CHST8: variants seen among roughly 807,000 people sequenced by gnomAD.
The protein encoded by CHST8 is carbohydrate sulfotransferase 8.
A neutral mutation model predicts 15.0 loss-of-function variants in CHST8; 10 were observed. That is an observed-to-expected ratio of 0.67 (90% CI 0.41 to 1.13). CHST8 has a LOEUF of 1.13. CHST8 is among the 50% of genes most tolerant of loss of function. CHST8 has a pLI of 0.00. For synonymous variants in CHST8, 259 were observed against 256.6 expected (o/e 1.01, Z -0.09); for missense variants, 634 against 608.2 (o/e 1.04, Z -0.45).
At chr19:33,744,772 G>A (rs780555028) in intron 3 of CHST8, among the ~76,000 whole-genome samples, 1 of 151,844 alleles carries the variant, frequency 6.6e-6, no homozygotes, top group Non-Finnish European at 1.5e-5. Context: ...ATTTTGAGAC[G>A]GAGTCTTGCT....
At chr19:33,747,560 T>TACACAC (rs561293804) in intron 3 of CHST8, among the ~76,000 whole-genome samples, 2 of 151,006 alleles carry the variant, frequency 1.3e-5, no homozygotes, top group Non-Finnish European at 3.0e-5. Flanking sequence ...CACACACACA[T>TACACAC]ACACACACAC....
At chr19:33,697,880 C>T (rs373536159) in intron 3 of CHST8, among the ~76,000 whole-genome samples, 3 of 152,194 alleles carry the variant, frequency 2.0e-5, no homozygotes, top group South Asian at 2.1e-4. Flanking sequence ...AAGACACAGC[C>T]GGCCCTGGGC....
chr19:33,750,973 T>G (rs1354327791), intron 3 of CHST8, among the ~76,000 whole-genome samples: 1 of 151,962 alleles, frequency 6.6e-6, no homozygotes, highest in Non-Finnish European at 1.5e-5. Context: ...GAGCTCAGAT[T>G]ATCATCAAGG....
chr19:33,704,363 A>T (rs1973402766), intron 3 of CHST8, among the ~76,000 whole-genome samples: 1 of 151,886 alleles, frequency 6.6e-6, no homozygotes, highest in Admixed American at 6.6e-5. Context: ...TCTGCATTGG[A>T]GGGAGGGGAA....
At chr19:33,758,957 G>A (rs1974662118) in intron 3 of CHST8, among the ~76,000 whole-genome samples, 1 of 151,870 alleles carries the variant, frequency 6.6e-6, no homozygotes, top group African/African-American at 2.4e-5. Flanking sequence ...TTTTACTCAT[G>A]GCAGCGGGCA....
In CHST8 at chr19:33,663,187, G is replaced by A. The variant is rs113385688; in HGVS notation, c.-163-4580G>A. ...CCTGGACAAAGGATCCTTCTTCCTG[G>A]GAAGAACAGCTGGTTATGGATGCTT... On this transcript the variant is annotated intron_variant, in intron 1 of 4. Transcript: ENST00000650847. Among the ~76,000 whole-genome samples, 11 of 152,234 alleles carry A rather than the reference G, an allele frequency of 7.2e-5. 1 individual carries two copies. The highest frequency in any genetic ancestry group is 2.6e-4 in the African/African-American group (11 of 41,544).
At chr19:33,668,066 G>A (rs1367018652) in intron 2 of CHST8, among the ~76,000 whole-genome samples, 1 of 152,106 alleles carries the variant, frequency 6.6e-6, no homozygotes, top group Non-Finnish European at 1.5e-5. Flanking sequence ...GCCTAACCCC[G>A]AGTGAATGCG....
chr19:33,700,668 A>G (rs952680576), intron 3 of CHST8, among the ~76,000 whole-genome samples: 15 of 152,110 alleles, frequency 9.9e-5, no homozygotes, highest in Admixed American at 9.8e-4. Context: ...AAACTCCAGA[A>G]TGTCTTCGTG....
intron 1 of CHST8, among the ~76,000 whole-genome samples, chr19:33,632,931 G>A (rs1436293034): frequency 6.6e-6 from 1 of 151,708 alleles, no homozygotes; most frequent in Non-Finnish European, 1.5e-5. Context: ...ACCACACCTG[G>A]CTAATTTTTG....
At chr19:33,645,519 T>G (rs1972342120) in intron 1 of CHST8, among the ~76,000 whole-genome samples, 1 of 152,052 alleles carries the variant, frequency 6.6e-6, no homozygotes, top group South Asian at 2.1e-4. Context: ...CCTGATGGGT[T>G]AGATGGGGTG....
chr19:33,764,895 C>T (rs1314852776), intron 3 of CHST8, among the ~76,000 whole-genome samples: 7 of 151,894 alleles, frequency 4.6e-5, no homozygotes, highest in African/African-American at 1.5e-4. Context: ...CTTATGCCTT[C>T]GCATCCTCAT....
intron 3 of CHST8, among the ~76,000 whole-genome samples, chr19:33,762,139 C>A (rs1173755642): frequency 6.6e-6 from 1 of 152,176 alleles, no homozygotes; most frequent in Non-Finnish European, 1.5e-5. Flanking sequence ...GTGGGTGGCG[C>A]GGGTGTGCTG....
intron 2 of CHST8, among the ~76,000 whole-genome samples, chr19:33,682,791 C>T (rs1299205565): frequency 6.6e-6 from 1 of 152,150 alleles, no homozygotes; most frequent in East Asian, 1.9e-4. Flanking sequence ...CCTAGCATCA[C>T]AATATATTTT....
At chr19:33,724,228 C>T (rs1032296640) in intron 3 of CHST8, among the ~76,000 whole-genome samples, 9 of 152,286 alleles carry the variant, frequency 5.9e-5, no homozygotes, top group South Asian at 4.1e-4. Context: ...CACACCCAGG[C>T]CCAGCCCCCT....
chr19:33,633,919 C>T (rs1972158008), intron 1 of CHST8, among the ~76,000 whole-genome samples: 1 of 151,916 alleles, frequency 6.6e-6, no homozygotes, highest in African/African-American at 2.4e-5. Flanking sequence ...CTGCTTCAGC[C>T]TCCCAAGTAA....
intron 1 of CHST8, among the ~76,000 whole-genome samples, chr19:33,653,615 A>G (rs1200377514): frequency 1.3e-5 from 2 of 152,216 alleles, no homozygotes; most frequent in Non-Finnish European, 2.9e-5. Flanking sequence ...ACAGTAAAGC[A>G]CGGTGGTTAA....
chr19:33,681,045 C>G (rs1193727190), intron 2 of CHST8, among the ~76,000 whole-genome samples: 1 of 152,146 alleles, frequency 6.6e-6, no homozygotes, highest in African/African-American at 2.4e-5. Flanking sequence ...TTGATACGGT[C>G]GAGATAGAGA....
intron 3 of CHST8, among the ~76,000 whole-genome samples, chr19:33,722,656 C>G (rs148527682): frequency 1.3e-5 from 2 of 152,106 alleles, no homozygotes; most frequent in East Asian, 1.9e-4. Context: ...ATTGGTAACA[C>G]GAACCTGGAG....
intron 2 of CHST8, among the ~76,000 whole-genome samples, chr19:33,675,155 A>G (rs1446519419): frequency 6.6e-6 from 1 of 152,074 alleles, no homozygotes; most frequent in African/African-American, 2.4e-5. Flanking sequence ...CTGAGCTGGG[A>G]GGAGCTGACC....
Sources: allele counts gnomAD v4.1 joint callset (sites outside exome capture counted in the v4.1 genomes callset), GRCh38; gene constraint gnomAD v4.1.1; transcripts MANE v1.5; gene names NCBI Gene and HGNC (gene_info 2026-07-23, HGNC 2026-07-21).